The following TBL1XR1 variants were observed in gnomAD, a reference collection of about 807,000 sequenced individuals.
TBL1XR1 encodes the protein TBL1X/Y related 1.
Under a neutral mutation model 66.9 loss-of-function variants are expected in TBL1XR1, and 5 were observed. That is an observed-to-expected ratio of 0.07 (90% CI 0.04 to 0.16). The LOEUF (loss-of-function observed/expected upper bound fraction) is 0.16, where lower values mean the gene tolerates loss of function less well. TBL1XR1 is among the 10% of genes least tolerant of loss of function. The pLI, the probability that TBL1XR1 is intolerant of heterozygous loss-of-function variation, is 1.00. For missense variants in TBL1XR1, 238 were observed against 623.2 expected, an observed-to-expected ratio of 0.38 and a Z score of 6.58; for synonymous variants, 210 against 206.0, an observed-to-expected ratio of 1.02 and a Z score of -0.17.
chr3:177,065,253 A>G (rs570097515), intron 2 of TBL1XR1, among the ~76,000 whole-genome samples: 1 of 152,360 alleles, frequency 6.6e-6, no homozygotes, highest in African/African-American at 2.4e-5. Context: ...AAATAAAACA[A>G]AATTTTTTAG....
intron 1 of TBL1XR1, among the ~76,000 whole-genome samples, chr3:177,194,280 C>T (rs1055965804): frequency 6.6e-6 from 1 of 152,190 alleles, no homozygotes; most frequent in African/African-American, 2.4e-5. Context: ...GTATAAATGT[C>T]TCGTGTTAGC....
intron 1 of TBL1XR1, among the ~76,000 whole-genome samples, chr3:177,163,528 C>T (rs1296205956): frequency 6.6e-6 from 1 of 151,376 alleles, no homozygotes; most frequent in Non-Finnish European, 1.5e-5. Context: ...AAAAAGAAAG[C>T]TCTTTGTGTA....
chr3:177,125,236 T>C (rs1253801387), intron 1 of TBL1XR1, among the ~76,000 whole-genome samples: 1 of 152,076 alleles, frequency 6.6e-6, no homozygotes, highest in Non-Finnish European at 1.5e-5. Flanking sequence ...GACAAGCCAA[T>C]TTTGAAATCT....
intron 2 of TBL1XR1, among the ~76,000 whole-genome samples, chr3:177,096,525 G>C (rs1013716862): frequency 2.0e-5 from 3 of 152,146 alleles, no homozygotes; most frequent in Non-Finnish European, 4.4e-5. Flanking sequence ...GTAAGAGATA[G>C]GTAGCTTCAT....
intron 2 of TBL1XR1, among the ~76,000 whole-genome samples, chr3:177,090,656 C>T (rs1326498021): frequency 2.0e-5 from 3 of 151,840 alleles, no homozygotes; most frequent in South Asian, 4.2e-4. Context: ...CTTAAAAATG[C>T]AAAAATTAGC....
chr3:177,054,559 T>C (rs1352083234), intron 3 of TBL1XR1, among the ~76,000 whole-genome samples: 1 of 152,208 alleles, frequency 6.6e-6, no homozygotes, highest in African/African-American at 2.4e-5. Context: ...AAATCTGAAG[T>C]ATTTAAATTT....
At chr3:177,141,566 G>A (rs773471449) in intron 1 of TBL1XR1, among the ~76,000 whole-genome samples, 1 of 152,080 alleles carries the variant, frequency 6.6e-6, no homozygotes, top group Non-Finnish European at 1.5e-5. Flanking sequence ...GTTACATATC[G>A]AAGTCTTAAC....
intron 1 of TBL1XR1, among the ~76,000 whole-genome samples, chr3:177,141,790 C>T (rs907432422): frequency 3.3e-5 from 5 of 152,098 alleles, no homozygotes; most frequent in African/African-American, 4.8e-5. Context: ...TCACAATAGC[C>T]GAAAGTCGGG....
At chr3:177,116,971 G>A (rs769569216) in intron 1 of TBL1XR1, among the ~76,000 whole-genome samples, 2 of 152,164 alleles carry the variant, frequency 1.3e-5, no homozygotes, top group Admixed American at 6.5e-5. Flanking sequence ...TTTATTTTCT[G>A]TGCTTAGGAA....
At chr3:177,062,658 T>A (rs1718663874) in intron 3 of TBL1XR1, among the ~76,000 whole-genome samples, 1 of 152,222 alleles carries the variant, frequency 6.6e-6, no homozygotes. Flanking sequence ...CACTACACTG[T>A]AAAGTCTAAA....
intron 1 of TBL1XR1, among the ~76,000 whole-genome samples, chr3:177,147,136 T>C (rs1159934502): frequency 6.6e-6 from 1 of 151,596 alleles, no homozygotes; most frequent in Non-Finnish European, 1.5e-5. Context: ...AGCCTCAACC[T>C]CCTGGACTCA....
chr3:177,128,050 T>C (rs1269749500), intron 1 of TBL1XR1, among the ~76,000 whole-genome samples: 1 of 151,916 alleles, frequency 6.6e-6, no homozygotes, highest in Non-Finnish European at 1.5e-5. Flanking sequence ...GAAACCCCCA[T>C]CTCTACTAAA....
intron 10 of TBL1XR1, among the ~76,000 whole-genome samples, chr3:177,040,555 A>G (rs559128251): frequency 3.9e-5 from 6 of 152,346 alleles, no homozygotes; most frequent in African/African-American, 1.4e-4. Flanking sequence ...AACTATGGAT[A>G]GGAGAAGTAA....
At chr3:177,050,414 T>C (rs1263711438) in intron 6 of TBL1XR1, 64 bp downstream of exon 6, 11 of 1,571,772 alleles carry the variant, frequency 7.0e-6, no homozygotes, top group Non-Finnish European at 8.6e-6. Context: ...GAATAATGCA[T>C]ATGTTTATAA....
intron 1 of TBL1XR1, among the ~76,000 whole-genome samples, chr3:177,156,036 A>C (rs906298579): frequency 1.3e-5 from 2 of 151,880 alleles, no homozygotes; most frequent in African/African-American, 4.8e-5. Context: ...ACCATTTTTT[A>C]ATCTAAAAGC....
intron 14 of TBL1XR1, among the ~76,000 whole-genome samples, chr3:177,031,901 G>A (rs1423523604): frequency 6.6e-6 from 1 of 151,996 alleles, no homozygotes; most frequent in Non-Finnish European, 1.5e-5. Context: ...ATAAAGAGCT[G>A]CTAGAAATCA....
chr3:177,038,516 TAATAA>T (rs1489257006), intron 10 of TBL1XR1, 82 bp from the exon 11 acceptor site: 5 of 1,302,474 alleles, frequency 3.8e-6, no homozygotes, highest in Non-Finnish European at 5.0e-6. Flanking sequence ...CATTGTTGAC[TAATAA>T]AATATACTAA....
At chr3:177,171,054 A>T (rs1733401484) in intron 1 of TBL1XR1, among the ~76,000 whole-genome samples, 1 of 152,118 alleles carries the variant, frequency 6.6e-6, no homozygotes, top group South Asian at 2.1e-4. Context: ...CTGATACCTT[A>T]TAAAATCCAG....
At chr3:177,086,993 G>C (rs1175237283) in intron 2 of TBL1XR1, 1 of 148,964 alleles carries the variant, frequency 6.7e-6, no homozygotes, top group East Asian at 2.0e-4. Flanking sequence ...GAATCATCCT[G>C]AAGGTCCTCA....
Sources: allele counts gnomAD v4.1 joint callset (sites outside exome capture counted in the v4.1 genomes callset), GRCh38; gene constraint gnomAD v4.1.1; transcripts MANE v1.5; gene names NCBI Gene and HGNC (gene_info 2026-07-23, HGNC 2026-07-21).